GRM8: variants seen among roughly 807,000 people sequenced by gnomAD.
GRM8 encodes the protein glutamate metabotropic receptor 8.
A neutral mutation model predicts 87.2 loss-of-function variants in GRM8; 47 were observed. That is an observed-to-expected ratio of 0.54 (90% CI 0.43 to 0.69). The LOEUF is 0.69. Among genes scored for constraint, GRM8 ranks in the 30% least tolerant of loss-of-function variants. The pLI, the probability that GRM8 is intolerant of heterozygous loss-of-function variation, is 0.00. For synonymous variants in GRM8, 396 were observed against 404.5 expected, an observed-to-expected ratio of 0.98 and a Z score of 0.25; for missense variants, 1,019 against 1,139.2, an observed-to-expected ratio of 0.89 and a Z score of 1.52.
intron 7 of GRM8, among the ~76,000 whole-genome samples, chr7:126,769,010 A>G (rs2299514): frequency 0.81 from 122,143 of 151,696 alleles, 49,530 homozygotes; most frequent in Non-Finnish European, 0.83. Flanking sequence ...AACGCTGGCA[A>G]CTGAGGTCAC....
intron 6 of GRM8, among the ~76,000 whole-genome samples, chr7:126,829,050 C>T (rs1431866471): frequency 6.6e-6 from 1 of 152,118 alleles, no homozygotes; most frequent in Admixed American, 6.5e-5. Flanking sequence ...AGTATGATCG[C>T]ACTGTGGTCT....
intron 3 of GRM8, among the ~76,000 whole-genome samples, chr7:126,910,023 G>T (rs1416627611): frequency 6.6e-6 from 1 of 151,628 alleles, no homozygotes; most frequent in African/African-American, 2.4e-5. Flanking sequence ...TTAAAACCCT[G>T]CCAGTTGTCC....
intron 8 of GRM8, among the ~76,000 whole-genome samples, chr7:126,596,750 G>A (rs781349181): frequency 2.0e-5 from 3 of 152,048 alleles, no homozygotes; most frequent in Non-Finnish European, 4.4e-5. Context: ...ACACACAGAG[G>A]AATACAAGTA....
In GRM8 at chr7:127,052,916, A is replaced by G. The variant is rs571604451; in HGVS notation, c.727+53580T>C. ...CAACAATATTAACATCATAATATTG[A>G]TGAACTATGCCTACAAAGGGCGACT... On this transcript the variant is annotated intron_variant, in intron 3 of 10. Coordinates refer to ENST00000339582, the MANE Select transcript of GRM8 (RefSeq NM_000845.3). Among the ~76,000 whole-genome samples the G allele has an allele frequency of 5.3e-5, 8 of 152,310 alleles. No individual in the cohort carries two copies. In the East Asian group the frequency reaches 1.5e-3, roughly 29 times the overall value.
At chr7:126,992,760 G>C (rs191600930) in intron 3 of GRM8, among the ~76,000 whole-genome samples, 3 of 151,990 alleles carry the variant, frequency 2.0e-5, no homozygotes, top group Admixed American at 2.0e-4. Context: ...TAATTAATTA[G>C]TGTCTTTATA....
chr7:126,491,912 T>C (rs1227615563), intron 9 of GRM8, among the ~76,000 whole-genome samples: 1 of 152,034 alleles, frequency 6.6e-6, no homozygotes, highest in African/African-American at 2.4e-5. Context: ...CCTCATTTAT[T>C]TGTTTGAATC....
intron 7 of GRM8, among the ~76,000 whole-genome samples, chr7:126,614,175 G>A (rs969343411): frequency 1.3e-5 from 2 of 152,246 alleles, no homozygotes; most frequent in African/African-American, 2.4e-5. Flanking sequence ...CTTCTGAGAC[G>A]AAACTTCCAG....
At chr7:127,223,146 G>C (rs760544539) in intron 2 of GRM8, among the ~76,000 whole-genome samples, 61 of 152,062 alleles carry the variant, frequency 4.0e-4, no homozygotes, top group Non-Finnish European at 7.9e-4. Context: ...ACAAGCATAA[G>C]AAGACACCGA....
chr7:126,609,006 T>C (rs1375989138), intron 8 of GRM8, among the ~76,000 whole-genome samples: 1 of 152,048 alleles, frequency 6.6e-6, no homozygotes. Flanking sequence ...CCCAAATTTA[T>C]AAATGAGGGC....
chr7:126,922,317 A>C (rs1338916033), intron 3 of GRM8, among the ~76,000 whole-genome samples: 1 of 152,138 alleles, frequency 6.6e-6, no homozygotes, highest in Admixed American at 6.5e-5. Context: ...GAAAGATTGG[A>C]GGAAAGGAAG....
At chr7:126,871,175 T>C (rs747412337) in intron 6 of GRM8, among the ~76,000 whole-genome samples, 3 of 152,170 alleles carry the variant, frequency 2.0e-5, no homozygotes, top group Non-Finnish European at 4.4e-5. Flanking sequence ...CAAGTCCATG[T>C]TCACTCACTG....
At chr7:127,040,309 A>G in intron 3 of GRM8, among the ~76,000 whole-genome samples, 1 of 152,074 alleles carries the variant, frequency 6.6e-6, no homozygotes, top group East Asian at 1.9e-4. Flanking sequence ...TTACATTCCA[A>G]TACCTGAGAG....
chr7:127,197,163 G>C (rs1795326890), intron 2 of GRM8, among the ~76,000 whole-genome samples: 2 of 152,180 alleles, frequency 1.3e-5, no homozygotes, highest in African/African-American at 4.8e-5. Flanking sequence ...ATATGGATTT[G>C]AGGATGGTTT....
chr7:126,512,875 C>A (rs1811603232), intron 9 of GRM8: 2 of 152,084 alleles, frequency 1.3e-5, no homozygotes, highest in Non-Finnish European at 2.9e-5. Flanking sequence ...GGGGCCATCT[C>A]TTAGGCAGGA....
At chr7:126,719,712 T>C (rs1812158643) in intron 7 of GRM8, among the ~76,000 whole-genome samples, 1 of 152,206 alleles carries the variant, frequency 6.6e-6, no homozygotes, top group South Asian at 2.1e-4. Flanking sequence ...GTAATCTTTC[T>C]GTGCAAAAAT....
At chr7:126,560,040 GAGC>G (rs1396769972) in intron 8 of GRM8, among the ~76,000 whole-genome samples, 1 of 152,220 alleles carries the variant, frequency 6.6e-6, no homozygotes, top group East Asian at 1.9e-4. Context: ...CTGCATTGTA[GAGC>G]AGAAGGCTAA....
At chr7:126,645,646 C>T (rs1416384760) in intron 7 of GRM8, among the ~76,000 whole-genome samples, 1 of 152,194 alleles carries the variant, frequency 6.6e-6, no homozygotes, top group South Asian at 2.1e-4. Flanking sequence ...ACAGGAAGAA[C>T]CCATTGAGTG....
chr7:127,028,992 T>C (rs1427779055), intron 3 of GRM8, among the ~76,000 whole-genome samples: 1 of 152,232 alleles, frequency 6.6e-6, no homozygotes, highest in Non-Finnish European at 1.5e-5. Context: ...AATTTCCCTC[T>C]ACACACTGCT....
chr7:126,446,227 AC>A lies in GRM8; in HGVS notation c.2575del (p.Val859TrpfsTer2). 1 of 1,613,142 alleles carries A rather than the reference AC, an allele frequency of 6.2e-7. No individual in the cohort carries two copies. Among genetic ancestry groups the A allele is most frequent in the Non-Finnish European group, 8.5e-7 (1 of 1,179,438 alleles). ...VQKRKRSFKA[V>X]VTAATMQSKL... ...GCTTTGCATGGTGGCAGCTGTCACC[AC>A]AGCCTTGAAGCTCCTCTTGCGTTTT... On this transcript the variant is annotated frameshift_variant, in exon 10 of 11. Transcript: ENST00000339582. LOFTEE classifies it high-confidence loss of function.
Sources: gnomAD v4.1 joint callset for allele counts (sites outside exome capture counted in the v4.1 genomes callset) on GRCh38, gnomAD v4.1.1 for gene constraint, MANE v1.5 for transcripts, NCBI Gene and HGNC (gene_info 2026-07-23, HGNC 2026-07-21) for gene names.